Variants in BORCS5 observed in about 807,000 individuals in gnomAD.
The protein encoded by BORCS5 is BLOC-1-related complex subunit 5.
A neutral mutation model predicts 22.1 loss-of-function variants in BORCS5; 17 were observed. The ratio of observed to expected loss-of-function variants is 0.77; its 90% CI spans 0.53 to 1.15. The LOEUF (loss-of-function observed/expected upper bound fraction) is 1.15. BORCS5 is among the 50% of genes most tolerant of loss of function. The probability of loss-of-function intolerance (pLI) is 0.00; values close to 1 mark genes in which losing one functional copy is unlikely to be tolerated. For missense variants in BORCS5, 247 were observed against 253.2 expected (o/e 0.98, Z 0.17); for synonymous variants, 117 against 99.8 (o/e 1.17, Z -1.03).
At chr12:12,374,213 G>T (rs187525790) in intron 2 of BORCS5, among the ~76,000 whole-genome samples, 5 of 151,490 alleles carry the variant, frequency 3.3e-5, no homozygotes, top group Middle Eastern at 3.4e-3. Context: ...GGATGGTCTC[G>T]ATCTCCTGAC....
chr12:12,416,914 T>G (rs1407113795), intron 2 of BORCS5, among the ~76,000 whole-genome samples: 1 of 151,414 alleles, frequency 6.6e-6, no homozygotes, highest in Non-Finnish European at 1.5e-5. Flanking sequence ...CCAGAGCAGC[T>G]GGGATTACAG....
intron 2 of BORCS5, among the ~76,000 whole-genome samples, chr12:12,408,213 T>G (rs1565878070): frequency 6.6e-6 from 1 of 152,230 alleles, no homozygotes. Context: ...TGATGGACAT[T>G]TGGGTTGTTT....
intron 2 of BORCS5, among the ~76,000 whole-genome samples, chr12:12,371,676 C>A (rs1863532342): frequency 6.6e-6 from 1 of 151,646 alleles, no homozygotes; most frequent in African/African-American, 2.4e-5. Flanking sequence ...TACTTTTAAT[C>A]GAAAACTTTG....
chr12:12,401,673 ATTTAC>A (rs1381667574), intron 2 of BORCS5, among the ~76,000 whole-genome samples: 1 of 152,172 alleles, frequency 6.6e-6, no homozygotes, highest in African/African-American at 2.4e-5. Flanking sequence ...TAAAGTATAC[ATTTAC>A]TTTATAATTA....
At chr12:12,429,186 T>G (rs1565905063) in intron 2 of BORCS5, among the ~76,000 whole-genome samples, 1 of 152,180 alleles carries the variant, frequency 6.6e-6, no homozygotes, top group Non-Finnish European at 1.5e-5. Context: ...AAGTTTGTGG[T>G]CTCCTAAAAA....
intron 3 of BORCS5, among the ~76,000 whole-genome samples, chr12:12,457,183 G>A (rs1290546544): frequency 1.3e-5 from 2 of 152,066 alleles, no homozygotes; most frequent in East Asian, 1.9e-4. Flanking sequence ...TAATTCTCAC[G>A]TCAACCCTAT....
At chr12:12,407,083 A>G (rs371514182) in intron 2 of BORCS5, among the ~76,000 whole-genome samples, 5 of 152,230 alleles carry the variant, frequency 3.3e-5, no homozygotes, top group African/African-American at 1.2e-4. Context: ...CTGTTGAAAG[A>G]TTTTCTCATC....
chr12:12,470,152 C>G lies in BORCS5; in HGVS notation c.*4376C>G, dbSNP rs1487403708. ...GTGGCACGATCTCGGCTCACTGCAA[C>G]CTCCGCCTCCCGGGTTCAAGCAGTT... On this transcript the variant is annotated 3_prime_UTR_variant, in exon 4 of 4. Transcript: ENST00000314565. Among the ~76,000 whole-genome samples the G allele has an allele frequency of 1.3e-5, 2 of 152,178 alleles. No individual in the cohort carries two copies. The highest frequency in any genetic ancestry group is 2.9e-5 in the Non-Finnish European group (2 of 68,036).
chr12:12,407,390 AT>A (rs11447916), intron 2 of BORCS5, among the ~76,000 whole-genome samples: 70 of 147,226 alleles, frequency 4.8e-4, no homozygotes, highest in South Asian at 1.3e-3. Context: ...TGTTGGTCAC[AT>A]TTTTTTTTTT....
At chr12:12,378,949 T>G (rs1199998232) in intron 2 of BORCS5, among the ~76,000 whole-genome samples, 1 of 150,404 alleles carries the variant, frequency 6.6e-6, no homozygotes, top group Non-Finnish European at 1.5e-5. Flanking sequence ...AGAAATAGGG[T>G]TCCGTATGTT....
At chr12:12,415,896 GGTTTAT>G (rs1941935804) in intron 2 of BORCS5, among the ~76,000 whole-genome samples, 1 of 152,108 alleles carries the variant, frequency 6.6e-6, no homozygotes, top group Non-Finnish European at 1.5e-5. Context: ...GTCTAAAAAG[GGTTTAT>G]GTTAGTTCTT....
At chr12:12,416,082 A>G (rs910314643) in intron 2 of BORCS5, among the ~76,000 whole-genome samples, 2 of 152,108 alleles carry the variant, frequency 1.3e-5, no homozygotes, top group Non-Finnish European at 2.9e-5. Flanking sequence ...GAATTTGTCC[A>G]TTTCACCTAG....
At chr12:12,447,355 T>C (rs567077332) in intron 3 of BORCS5, among the ~76,000 whole-genome samples, 4 of 152,290 alleles carry the variant, frequency 2.6e-5, no homozygotes, top group African/African-American at 9.6e-5. Flanking sequence ...CGGTTTCCCT[T>C]GATCACAAGG....
At chr12:12,404,054 A>G (rs992323861) in intron 2 of BORCS5, among the ~76,000 whole-genome samples, 7 of 152,196 alleles carry the variant, frequency 4.6e-5, no homozygotes, top group African/African-American at 1.7e-4. Flanking sequence ...TACTTGCACA[A>G]GAAGAGCCCA....
At chr12:12,404,280 T>C (rs1180745259) in intron 2 of BORCS5, among the ~76,000 whole-genome samples, 1 of 152,180 alleles carries the variant, frequency 6.6e-6, no homozygotes, top group Non-Finnish European at 1.5e-5. Flanking sequence ...ACTGTCTTGG[T>C]CCATTTATAA....
chr12:12,394,447 T>C (rs11831555), intron 2 of BORCS5, among the ~76,000 whole-genome samples: 28,610 of 151,930 alleles, frequency 0.19, 4,402 homozygotes, highest in African/African-American at 0.42. Context: ...CTGTAGGCCA[T>C]TTTTGGTTTT....
chr12:12,375,875 G>A (rs1267131258), intron 2 of BORCS5, among the ~76,000 whole-genome samples: 1 of 152,098 alleles, frequency 6.6e-6, no homozygotes, highest in Non-Finnish European at 1.5e-5. Flanking sequence ...TGCAATCTCA[G>A]CTCGCTGCAA....
intron 2 of BORCS5, among the ~76,000 whole-genome samples, chr12:12,377,953 A>G (rs1463594890): frequency 6.6e-6 from 1 of 152,198 alleles, no homozygotes; most frequent in Non-Finnish European, 1.5e-5. Flanking sequence ...TGGAGGGGAC[A>G]TTGAAGGATA....
At chr12:12,457,817 G>A (rs1445812115) in intron 3 of BORCS5, among the ~76,000 whole-genome samples, 1 of 152,214 alleles carries the variant, frequency 6.6e-6, no homozygotes, top group African/African-American at 2.4e-5. Context: ...GAAGGCAATT[G>A]AGTTCTGTTC....
Sources: allele counts gnomAD v4.1 joint callset (sites outside exome capture counted in the v4.1 genomes callset), GRCh38; gene constraint gnomAD v4.1.1; transcripts MANE v1.5; gene names NCBI Gene and HGNC (gene_info 2026-07-23, HGNC 2026-07-21).